TOR1AIP1: variants seen among roughly 807,000 people sequenced by gnomAD.
TOR1AIP1 encodes torsin-1A-interacting protein 1.
TOR1AIP1 carries 54 observed loss-of-function variants against 63.3 expected under a neutral mutation model. The observed-to-expected ratio is 0.85, with a 90% CI of 0.69 to 1.07. The LOEUF is 1.07. Ranked by LOEUF, TOR1AIP1 falls within the 50% of genes least tolerant of loss-of-function variation. TOR1AIP1 has a pLI of 0.00. For missense variants in TOR1AIP1, 736 were observed against 715.0 expected, an observed-to-expected ratio of 1.03 and a Z score of -0.33; for synonymous variants, 294 against 273.5, an observed-to-expected ratio of 1.07 and a Z score of -0.74.
chr1:179,902,089 A>AGTGGCGC (rs1648485492), intron 5 of TOR1AIP1, among the ~76,000 whole-genome samples: 2 of 143,004 alleles, frequency 1.4e-5, no homozygotes, highest in Non-Finnish European at 3.0e-5. Flanking sequence ...GCAGTGGCGC[A>AGTGGCGC]ATGTCGGCTC....
intron 5 of TOR1AIP1, among the ~76,000 whole-genome samples, chr1:179,902,992 C>T (rs370536394): frequency 2.7e-5 from 4 of 150,504 alleles, no homozygotes; most frequent in African/African-American, 4.9e-5. Context: ...GGCAACAGAG[C>T]GAGACTCCAT....
In TOR1AIP1 at chr1:179,918,872, A is replaced by G. The variant is rs568074544; in HGVS notation, c.*633A>G. The G allele has an allele frequency of 1.3e-5, 2 of 152,370 alleles. No homozygotes were observed. The highest frequency in any genetic ancestry group is 2.1e-4 in the South Asian group (1 of 4,830). 9.4% of individuals were successfully genotyped at this position (152,370 alleles called of 1,614,324 possible). ...AGATGTAGTTTAGTCAAACATAGGT[A>G]TATGAACTGTTAATCTTGGTGGATT... On this transcript the variant is annotated 3_prime_UTR_variant, in exon 10 of 10. Coordinates refer to ENST00000606911, the MANE Select transcript of TOR1AIP1 (RefSeq NM_015602.4).
Position 179,919,276 on chromosome 1 carries a change from AAGT to A in TOR1AIP1, c.*1040_*1042del, listed in dbSNP as rs1325497286. On this transcript the variant is annotated 3_prime_UTR_variant, in exon 10 of 10. Transcript: ENST00000606911. ...ATGAAACTCCGTCTCAAAAAAAAAAAAGTAGGTCAATTCGTAACAGTTTATTTT... is the reference window on the plus strand; with the variant it reads ...ATGAAACTCCGTCTCAAAAAAAAAAAAGGTCAATTCGTAACAGTTTATTTT... 2 of 152,324 alleles carry A rather than the reference AAGT, an allele frequency of 1.3e-5. No homozygotes were observed. The highest frequency in any genetic ancestry group is 2.4e-5 in the African/African-American group (1 of 41,570). The allele number at this position is 152,324 out of a possible 1,614,324, so 9.4% of individuals were successfully genotyped here.
At chr1:179,890,859 A>G (rs926124904) in intron 3 of TOR1AIP1, among the ~76,000 whole-genome samples, 1 of 152,138 alleles carries the variant, frequency 6.6e-6, no homozygotes, top group African/African-American at 2.4e-5. Context: ...GGCTCTAGCA[A>G]TCCACCCGCT....
chr1:179,887,815 AT>A (rs1011336588), intron 2 of TOR1AIP1: 2 of 152,200 alleles, frequency 1.3e-5, no homozygotes, highest in African/African-American at 4.8e-5. Context: ...TATCATGAAC[AT>A]TTGCTTCTCT....
chr1:179,892,693 G>A (rs1648134235), intron 3 of TOR1AIP1, among the ~76,000 whole-genome samples: 1 of 144,796 alleles, frequency 6.9e-6, no homozygotes, highest in South Asian at 2.2e-4. Flanking sequence ...AGCCAGGATT[G>A]CGCCACTGCA....
At chr1:179,917,372 GAT>G in intron 9 of TOR1AIP1, 78 bp from the exon 10 acceptor site, 1 of 1,170,210 alleles carries the variant, frequency 8.5e-7, no homozygotes, top group South Asian at 1.5e-5. Flanking sequence ...TATAAAGACT[GAT>G]ATTGATTTTA....
Position 179,904,014 on chromosome 1 carries a change from C to T in TOR1AIP1, c.788C>T (p.Ser263Leu). The change falls in exon 6 of 10, where the codon TCA becomes TTA. Residue 263 changes from serine (S) to leucine (L), a missense_variant. Physicochemically the swap from Ser to Leu is moderately radical, Grantham distance 145. Coordinates refer to ENST00000606911, the MANE Select transcript of TOR1AIP1 (RefSeq NM_015602.4). ...SSQYIESFWQ[S>L]SQSQNFTAHD... ...CAATATATAGAATCATTTTGGCAGTCATCACAAAGTAAGTAAAGCTGTGTT... is the reference window on the plus strand; with the variant it reads ...CAATATATAGAATCATTTTGGCAGTTATCACAAAGTAAGTAAAGCTGTGTT... 6.2e-7 allele frequency: 1 copy of T among 1,607,046 alleles called. No homozygotes were observed. The highest frequency in any genetic ancestry group is 8.5e-7 in the Non-Finnish European group (1 of 1,175,644).
At chr1:179,900,017 CTT>C (rs1648400745) in intron 3 of TOR1AIP1, 107 bp from the exon 4 acceptor site, 1 of 769,344 alleles carries the variant, frequency 1.3e-6, no homozygotes, top group African/African-American at 1.8e-5. Context: ...ACGAGATGCT[CTT>C]TTATTTATTC....
rs145400701 is a variant in TOR1AIP1 at position 179,899,575 on chromosome 1, T to G, written c.611-551T>G. On this transcript the variant is annotated intron_variant, in intron 3 of 9. Transcript: ENST00000606911. ...ATATTTGTCAATGTAGAATTTAATG[T>G]TTTTTTTGCATACAAAGGTTACATT... 1.3e-3 allele frequency among the ~76,000 whole-genome samples: 203 copies of G among 152,036 alleles called. 1 individual carries two copies. Among genetic ancestry groups the G allele is most frequent in the African/African-American group, 4.6e-3 (192 of 41,478 alleles).
chr1:179,899,415 T>TG (rs1648379953), intron 3 of TOR1AIP1, among the ~76,000 whole-genome samples: 1 of 152,224 alleles, frequency 6.6e-6, no homozygotes, highest in Admixed American at 6.5e-5. Context: ...TTTCTTTACC[T>TG]TTCTTCCTCT....
chr1:179,903,996 T>G lies in TOR1AIP1; in HGVS notation c.770T>G (p.Ile257Arg). 1 of 1,608,478 alleles carries G rather than the reference T, an allele frequency of 6.2e-7. No individual in the cohort carries two copies. Among genetic ancestry groups the G allele is most frequent in the Non-Finnish European group, 8.5e-7 (1 of 1,176,118 alleles). The change falls in exon 6 of 10, where the codon ATA (isoleucine) becomes AGA (arginine). Residue 257 changes from isoleucine to arginine, a missense_variant. Physicochemically the swap from Ile to Arg is moderately conservative, Grantham distance 97. Around this residue, in one of 2 missense-constraint regions of TOR1AIP1, gnomAD observed 464 missense variants for 371.0 expected, o/e 1.25. Transcript: ENST00000606911. ...ACCACCAGATCATCTAGTCAATATA[T>G]AGAATCATTTTGGCAGTCATCACAA... The part of the protein sequence containing the change: ...DKTTRSSSQY[I>R]ESFWQSSQSQ...
rs17370826 is a variant in TOR1AIP1 at position 179,914,071 on chromosome 1, A to G, written c.964+17A>G. On this transcript the variant is annotated intron_variant, in intron 9 of 9. Transcript: ENST00000606911. ...CCAGCCGACGTAAGTTTATGTATTC[A>G]GTTTTTATTAAATATTTCTGTAAAA... is the stretch of plus-strand genomic sequence containing the variant. The G allele has an allele frequency of 0.06, 96,409 of 1,606,726 alleles. 3,451 individuals are homozygous for G. The highest frequency in any genetic ancestry group is 0.065 in the Non-Finnish European group (75,902 of 1,175,362).
At chr1:179,895,793 G>A (rs1015722445) in intron 3 of TOR1AIP1, among the ~76,000 whole-genome samples, 2 of 151,962 alleles carry the variant, frequency 1.3e-5, no homozygotes, top group Non-Finnish European at 2.9e-5. Flanking sequence ...CCAGCTACTC[G>A]GGAAACTGAG....
Position 179,918,528 on chromosome 1 carries a change from T to C in TOR1AIP1, c.*289T>C, listed in dbSNP as rs2148484546. On this transcript the variant is annotated 3_prime_UTR_variant, in exon 10 of 10. Coordinates refer to ENST00000606911, the MANE Select transcript of TOR1AIP1 (RefSeq NM_015602.4). ...ATTCTGGGCTGAGTTATTACAGTTA[T>C]GGTATGACCAGTGAGAGGGATTTGT... is the stretch of plus-strand genomic sequence containing the variant. 1 of 285,830 alleles carries C rather than the reference T, an allele frequency of 3.5e-6. No individual in the cohort carries two copies. The highest frequency in any genetic ancestry group is 6.5e-6 in the Non-Finnish European group (1 of 153,094). The allele number at this position is 285,830 out of a possible 1,614,324, so 17.7% of individuals were successfully genotyped here. A position where few individuals can be genotyped will look rare whatever the true frequency, so the allele number is the denominator to read the frequency against.
chr1:179,913,668 T>C, intron 8 of TOR1AIP1: 1 of 702,134 alleles, frequency 1.4e-6, no homozygotes, highest in South Asian at 1.5e-5. Context: ...GTGCTTAGTT[T>C]CTTTGTCCTT....
At chr1:179,905,952 CA>C (rs201826606) in intron 6 of TOR1AIP1, among the ~76,000 whole-genome samples, 1 of 149,448 alleles carries the variant, frequency 6.7e-6, no homozygotes, top group African/African-American at 2.5e-5. Flanking sequence ...GACTCCATCT[CA>C]AAAAAAAAGA....
intron 7 of TOR1AIP1, 79 bp from the exon 8 acceptor site, chr1:179,908,526 A>G (rs575606321): frequency 1.7e-6 from 2 of 1,163,246 alleles, no homozygotes; most frequent in African/African-American, 3.1e-5. Flanking sequence ...TTTCTGATAG[A>G]TTAATTTTAT....
At chr1:179,908,962 G>A (rs1166062979) in intron 8 of TOR1AIP1, among the ~76,000 whole-genome samples, 2 of 152,194 alleles carry the variant, frequency 1.3e-5, no homozygotes, top group East Asian at 1.9e-4. Flanking sequence ...TCAGGAGATC[G>A]AGACCATCCT....
Sources: allele counts gnomAD v4.1 joint callset (sites outside exome capture counted in the v4.1 genomes callset), GRCh38; gene constraint gnomAD v4.1.1; regional missense constraint gnomAD v4.1.1; transcripts MANE v1.5; gene names NCBI Gene and HGNC (gene_info 2026-07-23, HGNC 2026-07-21).